The following LRRIQ1 variants were observed in gnomAD, a reference collection of about 807,000 sequenced individuals.
LRRIQ1 encodes leucine-rich repeat- and IQ domain-containing protein 1.
Under a neutral mutation model 211.9 loss-of-function variants are expected in LRRIQ1, and 210 were observed. The ratio of observed to expected loss-of-function variants is 0.99; its 90% confidence interval spans 0.89 to 1.11. The LOEUF is 1.11. Among genes scored for constraint, LRRIQ1 ranks in the 50% most tolerant of loss-of-function variants. The pLI is 0.00. For synonymous variants in LRRIQ1, 699 were observed against 650.1 expected (o/e 1.08, Z -1.14); for missense variants, 2,136 against 1,939.5 (o/e 1.10, Z -1.90).
At chr12:85,222,194 A>G (rs1429308197) in intron 24 of LRRIQ1, among the ~76,000 whole-genome samples, 1 of 152,180 alleles carries the variant, frequency 6.6e-6, no homozygotes. Flanking sequence ...TCTGTTGGAT[A>G]TATGTGAGGG....
At chr12:85,118,648 C>T (rs1019656924) in intron 15 of LRRIQ1, among the ~76,000 whole-genome samples, 6 of 151,322 alleles carry the variant, frequency 4.0e-5, no homozygotes, top group South Asian at 2.1e-4. Context: ...GGCATTTTTG[C>T]CTTCATGGGC....
In LRRIQ1 at chr12:85,043,910, C is replaced by G. The variant is rs1331510216; in HGVS notation, c.245-808C>G. 2.6e-5 allele frequency among the ~76,000 whole-genome samples: 4 copies of G among 151,986 alleles called. No individual in the cohort carries two copies. In the East Asian group the frequency reaches 7.7e-4, roughly 29 times the overall value. The stretch of plus-strand genomic sequence containing the variant: ...AAATTAAAACATCATCACCTGCCTC[C>G]CTTTATACATAATAATTTATGAAAA... On this transcript the variant is annotated intron_variant, in intron 3 of 26. Transcript: ENST00000393217.
chr12:85,237,159 C>T (rs1895226908), intron 26 of LRRIQ1, among the ~76,000 whole-genome samples: 1 of 151,838 alleles, frequency 6.6e-6, no homozygotes, highest in African/African-American at 2.4e-5. Flanking sequence ...TAGACCAGTC[C>T]TTCTGAAGAA....
chr12:85,196,242 C>A (rs1474265818), intron 24 of LRRIQ1, among the ~76,000 whole-genome samples: 5 of 151,840 alleles, frequency 3.3e-5, no homozygotes, highest in African/African-American at 1.2e-4. Context: ...GTGAAAATGG[C>A]CATACTGCCC....
chr12:85,056,803 A>C lies in LRRIQ1; in HGVS notation c.2010A>C (p.Lys670Asn). The stretch of plus-strand genomic sequence containing the variant: ...ATACCATGATAAATATAGAAGGCAA[A>C]AGAAATGACCAAGATTATGTGTTAG... ...TTDTMINIEG[K>N]RNDQDYVLGR... Residue 670 changes from lysine to asparagine, a missense_variant, in exon 8 of 27, where the codon AAA becomes AAC. Physicochemically the swap from Lys to Asn is moderately conservative, Grantham distance 94 (BLOSUM62 0). Coordinates refer to ENST00000393217, the MANE Select transcript of LRRIQ1 (RefSeq NM_001079910.2). 2 of 1,610,524 alleles carry C rather than the reference A, an allele frequency of 1.2e-6. No homozygotes were observed. Among genetic ancestry groups the C allele is most frequent in the South Asian group, 2.2e-5 (2 of 90,274 alleles).
intron 24 of LRRIQ1, among the ~76,000 whole-genome samples, chr12:85,195,764 A>G (rs1892871128): frequency 6.6e-6 from 1 of 152,164 alleles, no homozygotes; most frequent in Admixed American, 6.6e-5. Context: ...GAAAACTGGC[A>G]CAAGACAGGG....
downstream of LRRIQ1, among the ~76,000 whole-genome samples, chr12:85,264,970 A>C (rs908007768): frequency 5.3e-5 from 8 of 152,004 alleles, no homozygotes; most frequent in African/African-American, 1.9e-4. Context: ...TAATCACAAA[A>C]AGCTTGGTAG....
chr12:85,251,742 CAT>C (rs1339125970), intron 1 of LRRIQ1, among the ~76,000 whole-genome samples: 2 of 148,674 alleles, frequency 1.3e-5, no homozygotes, highest in Non-Finnish European at 1.5e-5. Flanking sequence ...ATTAGAAAGA[CAT>C]ATATGTGTAT....
intron 17 of LRRIQ1, 93 bp from the exon 18 acceptor site, chr12:85,127,739 T>A (rs1256168969): frequency 1.0e-6 from 1 of 992,470 alleles, no homozygotes; most frequent in African/African-American, 1.6e-5. Flanking sequence ...ATGTGTTCTT[T>A]GTTTAAAATC....
chr12:85,095,805 T>A (rs554410274), intron 11 of LRRIQ1, among the ~76,000 whole-genome samples: 311 of 152,222 alleles, frequency 2.0e-3, no homozygotes, highest in African/African-American at 7.1e-3. Flanking sequence ...TTCTTTTTTT[T>A]AAAATTACTA....
chr12:85,124,854 T>G (rs1165658079), intron 17 of LRRIQ1: 1 of 238,662 alleles, frequency 4.2e-6, no homozygotes, highest in Non-Finnish European at 8.2e-6. Context: ...AAACATTTTC[T>G]GAGTAATCAA....
At chr12:85,050,041 G>C (rs1880111355) in intron 6 of LRRIQ1, among the ~76,000 whole-genome samples, 1 of 152,068 alleles carries the variant, frequency 6.6e-6, no homozygotes, top group Non-Finnish European at 1.5e-5. Flanking sequence ...CTGACACTGG[G>C]TAATTTTTAA....
Position 85,124,536 on chromosome 12 carries a change from A to G in LRRIQ1, c.4007+17A>G. On this transcript the variant is annotated intron_variant, in intron 17 of 26. Transcript: ENST00000393217. ...TGAAAAAATGTAAGATATATAAATAATGTTTCTTTTATAGATGTATGTTTA... is the reference window on the plus strand; with the variant it reads ...TGAAAAAATGTAAGATATATAAATAGTGTTTCTTTTATAGATGTATGTTTA... 6.4e-7 allele frequency: 1 copy of G among 1,566,782 alleles called. No individual in the cohort carries two copies.
Position 85,098,711 on chromosome 12 carries a change from G to T in LRRIQ1, c.3082-156G>T, listed in dbSNP as rs559002633. Among the ~76,000 whole-genome samples the T allele has an allele frequency of 5.3e-5, 8 of 151,952 alleles. No individual in the cohort carries two copies. The East Asian group carries it at 1.2e-3, about 22-fold the overall frequency. On this transcript the variant is annotated intron_variant, in intron 12 of 26. Coordinates refer to ENST00000393217, the MANE Select transcript of LRRIQ1 (RefSeq NM_001079910.2). ...TTAAATATTATACAGTTAATTAATA[G>T]AAATTTTATTCATATTTAAAAAGTC... is the stretch of plus-strand genomic sequence containing the variant.
At chr12:85,176,844 A>G (rs923235013) in intron 24 of LRRIQ1, among the ~76,000 whole-genome samples, 8 of 152,144 alleles carry the variant, frequency 5.3e-5, no homozygotes, top group Admixed American at 5.2e-4. Context: ...TTTTTAAACT[A>G]TGCATTAAAT....
At position 85,244,879 on chromosome 12, in the gene LRRIQ1, C is replaced by G. The variant is rs1348105264; in HGVS notation, c.5107C>G (p.Gln1703Glu). The change falls in exon 27 of 27, where the codon CAG (glutamine) becomes GAG (glutamate). Residue 1703 changes from glutamine to glutamate, a missense_variant. Coordinates refer to ENST00000393217, the MANE Select transcript of LRRIQ1 (RefSeq NM_001079910.2). ...GTCTGTGAACAGAGAAAAAAAAAATCAGGCACACAGACACTCAGCAGGATC... is the reference window on the plus strand; with the variant it reads ...GTCTGTGAACAGAGAAAAAAAAAATGAGGCACACAGACACTCAGCAGGATC... The part of the protein sequence containing the change: ...ALSVNREKKN[Q>E]AHRHSAGSSS... The G allele has an allele frequency of 6.2e-7, 1 of 1,610,658 alleles. No homozygotes were observed. Among genetic ancestry groups the G allele is most frequent in the South Asian group, 1.1e-5 (1 of 90,940 alleles).
Position 85,153,180 on chromosome 12 carries a change from T to G in LRRIQ1, c.4541+35T>G, listed in dbSNP as rs577885294. On this transcript the variant is annotated intron_variant, in intron 21 of 26. Coordinates refer to ENST00000393217, the MANE Select transcript of LRRIQ1 (RefSeq NM_001079910.2). ...ACTATTGTTTTAGAGAATCAACTTGTGAATGACAACAGTATTACATATCAT... is the reference window on the plus strand; with the variant it reads ...ACTATTGTTTTAGAGAATCAACTTGGGAATGACAACAGTATTACATATCAT... The G allele has an allele frequency of 2.4e-4, 367 of 1,555,136 alleles. 8 individuals are homozygous for G. The South Asian group carries it at 4.2e-3, about 18-fold the overall frequency.
chr12:85,050,955 A>T (rs548908884), intron 6 of LRRIQ1, among the ~76,000 whole-genome samples: 1 of 152,116 alleles, frequency 6.6e-6, no homozygotes, highest in South Asian at 2.1e-4. Context: ...TCATTCTCAC[A>T]TGGTCATTTC....
intron 24 of LRRIQ1, among the ~76,000 whole-genome samples, chr12:85,174,699 C>T (rs1267000732): frequency 4.3e-5 from 1 of 23,452 alleles, no homozygotes; most frequent in Non-Finnish European, 6.8e-5. Context: ...AAGAGTACAG[C>T]TCAAAAAAAA....
Sources: allele counts gnomAD v4.1 joint callset (sites outside exome capture counted in the v4.1 genomes callset), GRCh38; gene constraint gnomAD v4.1.1; transcripts MANE v1.5; gene names NCBI Gene and HGNC (gene_info 2026-07-23, HGNC 2026-07-21).